Variants in MAOA observed in about 807,000 individuals in gnomAD.
The protein encoded by MAOA is amine oxidase [flavin-containing] A.
A neutral mutation model predicts 42.0 loss-of-function variants in MAOA; 6 were observed. The observed-to-expected ratio is 0.14, with a 90% CI of 0.08 to 0.28. MAOA has a LOEUF of 0.28. Ranked by LOEUF, MAOA falls within the 10% of genes least tolerant of loss-of-function variation. The probability of loss-of-function intolerance (pLI) is 1.00; values close to 1 mark genes in which losing one functional copy is unlikely to be tolerated. For synonymous variants in MAOA, 140 were observed against 154.0 expected, an observed-to-expected ratio of 0.91 and a Z score of 0.67; for missense variants, 262 against 422.3, an observed-to-expected ratio of 0.62 and a Z score of 3.33.
chrX:43,739,699 C>T (rs887318389), intron 10 of MAOA, among the ~76,000 whole-genome samples: 25 of 112,139 alleles, frequency 2.2e-4, no homozygotes, highest in African/African-American at 8.1e-4. Flanking sequence ...AACCTTTTGC[C>T]ACATTTTTAA....
intron 14 of MAOA, 37 bp from the exon 15 acceptor site, chrX:43,744,330 T>A (rs1434503383): frequency 7.5e-6 from 9 of 1,204,536 alleles, no homozygotes; most frequent in Non-Finnish European, 1.0e-5. Context: ...CTTGTCAGCA[T>A]GAGTTTTTTG....
chrX:43,665,810 T>TTAGA (rs35784967), intron 1 of MAOA, among the ~76,000 whole-genome samples: 37,988 of 98,164 alleles, frequency 0.39, 6,119 homozygotes, highest in Middle Eastern at 0.43. Context: ...TAGGTATAGA[T>TTAGA]TAGATAGATA....
At chrX:43,735,836 G>T (rs2033916242) in intron 9 of MAOA, among the ~76,000 whole-genome samples, 1 of 112,600 alleles carries the variant, frequency 8.9e-6, no homozygotes, top group African/African-American at 3.2e-5. Context: ...GCCCACCGTG[G>T]CCTCCACTAC....
chrX:43,661,485 A>G (rs771900939), intron 1 of MAOA, among the ~76,000 whole-genome samples: 1 of 111,661 alleles, frequency 9.0e-6, no homozygotes, highest in Non-Finnish European at 1.9e-5. Context: ...GACATACCAT[A>G]CAGGAGAGAC....
chrX:43,667,714 A>G (rs2033294745), intron 1 of MAOA, among the ~76,000 whole-genome samples: 1 of 111,677 alleles, frequency 9.0e-6, no homozygotes, highest in East Asian at 2.8e-4. Context: ...AAGTGAGTGT[A>G]TATTGAAAGA....
At chrX:43,713,380 G>C (rs914197298) in intron 5 of MAOA, among the ~76,000 whole-genome samples, 6 of 111,223 alleles carry the variant, frequency 5.4e-5, no homozygotes, top group African/African-American at 2.0e-4. Context: ...AATGCATGTG[G>C]GTCTTAATAC....
chrX:43,737,450 G>C (rs773960912), intron 10 of MAOA, among the ~76,000 whole-genome samples: 10 of 112,029 alleles, frequency 8.9e-5, no homozygotes, highest in Admixed American at 6.6e-4. Context: ...GGAAGTCCAA[G>C]ATTATGATGC....
At chrX:43,733,522 G>A (rs2033898344) in intron 9 of MAOA, among the ~76,000 whole-genome samples, 1 of 111,873 alleles carries the variant, frequency 8.9e-6, no homozygotes, top group Non-Finnish European at 1.9e-5. Flanking sequence ...CAAATGAATT[G>A]CTAAGGAGTT....
chrX:43,694,792 C>T (rs1237992509), intron 3 of MAOA, among the ~76,000 whole-genome samples: 3 of 111,605 alleles, frequency 2.7e-5, no homozygotes, highest in Admixed American at 9.5e-5. Context: ...AAACCCTTTG[C>T]GCTCAACTAC....
intron 2 of MAOA, among the ~76,000 whole-genome samples, chrX:43,684,536 C>CAAACA (rs751315529): frequency 0.5 from 51,592 of 102,855 alleles, 11,489 homozygotes; most frequent in Non-Finnish European, 0.63. Context: ...AATATGAAGG[C>CAAACA]AAACAAAACA....
chrX:43,655,654 G>A (rs1382977270), upstream of MAOA: 2 of 112,611 alleles, frequency 1.8e-5, no homozygotes, highest in Non-Finnish European at 3.7e-5. Context: ...TTCTCCTCAG[G>A]GTTCAGCACC....
intron 1 of MAOA, among the ~76,000 whole-genome samples, chrX:43,660,527 A>C (rs2033224228): frequency 9.0e-6 from 1 of 110,976 alleles, no homozygotes; most frequent in Admixed American, 9.6e-5. Context: ...TCGTGTCCTC[A>C]GGCTACACTA....
At chrX:43,680,549 C>G (rs1469538184) in intron 1 of MAOA, among the ~76,000 whole-genome samples, 1 of 110,717 alleles carries the variant, frequency 9.0e-6, no homozygotes, top group Non-Finnish European at 1.9e-5. Flanking sequence ...CTCTCCTCCC[C>G]TCCATCCCCT....
chrX:43,664,650 C>A (rs1327677993), intron 1 of MAOA, among the ~76,000 whole-genome samples: 4 of 111,868 alleles, frequency 3.6e-5, no homozygotes, highest in Non-Finnish European at 7.5e-5. Flanking sequence ...GGAGCTGTGG[C>A]CTAAGTTGAA....
At chrX:43,716,063 G>T (rs957865245) in intron 5 of MAOA, among the ~76,000 whole-genome samples, 1 of 110,579 alleles carries the variant, frequency 9.0e-6, no homozygotes, top group Non-Finnish European at 1.9e-5. Flanking sequence ...GTTGTGAAGG[G>T]GGATATCTTC....
rs2033990195 is a variant in MAOA, at chrX:43,745,159, G to A, written c.*646G>A. The stretch of plus-strand genomic sequence containing the variant: ...ACTTCTCTAGACATCTAGTCTCAGT[G>A]CTAGCTTATTTGTATTTTTCCTCTT... On this transcript the variant is annotated 3_prime_UTR_variant, in exon 15 of 15. Coordinates refer to ENST00000338702, the MANE Select transcript of MAOA (RefSeq NM_000240.4). 1.7e-5 allele frequency: 2 copies of A among 115,173 alleles called. No homozygotes were observed. The highest frequency in any genetic ancestry group is 1.8e-4 in the Admixed American group (2 of 11,344). 9.5% of individuals were successfully genotyped at this position (115,173 alleles called of 1,213,427 possible).
At chrX:43,701,607 A>G (rs187773131) in intron 3 of MAOA, among the ~76,000 whole-genome samples, 16 of 111,496 alleles carry the variant, frequency 1.4e-4, no homozygotes, top group African/African-American at 4.2e-4. Flanking sequence ...CTAACCATTC[A>G]TTGAGAAGTA....
chrX:43,673,683 C>G lies in MAOA; in HGVS notation c.74-9830C>G, dbSNP rs1033495800. 3.6e-5 allele frequency among the ~76,000 whole-genome samples: 4 copies of G among 111,126 alleles called. No homozygotes were observed. In the Admixed American group the frequency reaches 3.8e-4, roughly 11 times the overall value. ...TTGGTTTCAAAGAACATCTTTATTT[C>G]TGCCTTCATTTTGTTATGTACCCAG... On this transcript the variant is annotated intron_variant, in intron 1 of 14. Transcript: ENST00000338702.
chrX:43,702,657 A>G (rs144079645), intron 3 of MAOA, among the ~76,000 whole-genome samples: 6 of 112,148 alleles, frequency 5.4e-5, no homozygotes, highest in African/African-American at 1.6e-4. Context: ...GTGAAACTGA[A>G]TCGTTTTCAT....
Sources: gnomAD v4.1 joint callset for allele counts (sites outside exome capture counted in the v4.1 genomes callset) on GRCh38, gnomAD v4.1.1 for gene constraint, MANE v1.5 for transcripts, NCBI Gene and HGNC (gene_info 2026-07-23, HGNC 2026-07-21) for gene names.